Variants in SLC38A12 observed in about 807,000 individuals in gnomAD.
SLC38A12 encodes the protein solute carrier family 38 member 12, also known as putative sodium-coupled neutral amino acid transporter 12.
At chr17:74,818,249 G>A in the SLC38A12 span, among the ~76,000 whole-genome samples, 1 of 152,052 alleles carries the variant, frequency 6.6e-6, no homozygotes, top group East Asian at 1.9e-4. Context: ...CCCCTGCCCA[G>A]CCCCATCCCC....
chr17:74,829,041 ATACTT>A, the SLC38A12 span, among the ~76,000 whole-genome samples: 3 of 152,214 alleles, frequency 2.0e-5, no homozygotes, highest in African/African-American at 7.2e-5. This position sits in a 1 kb window ranked among gnomAD's most constrained non-coding sequence, Gnocchi z 4.1. Context: ...TTTTGATAAA[ATACTT>A]AACATATCAA....
chr17:74,781,349 A>G, the SLC38A12 span, among the ~76,000 whole-genome samples: 2 of 152,138 alleles, frequency 1.3e-5, no homozygotes, highest in South Asian at 2.1e-4. Context: ...CCAGTGAGCA[A>G]TTACAGCTCA....
the SLC38A12 span, among the ~76,000 whole-genome samples, chr17:74,783,497 CTGGGGAGGTGGCACAAGAGGGCT>C: frequency 2.0e-5 from 3 of 152,060 alleles, no homozygotes; most frequent in Admixed American, 1.3e-4. Context: ...GTTGGAGGGG[CTGGGGAGGTGGCACAAGAGGGCT>C]TTGGTCCTGT....
chr17:74,801,315 C>T, the SLC38A12 span, among the ~76,000 whole-genome samples: 2 of 152,238 alleles, frequency 1.3e-5, no homozygotes, highest in East Asian at 3.9e-4. Flanking sequence ...CTGGTGGCAC[C>T]GCAGGTGCAC....
the SLC38A12 span, among the ~76,000 whole-genome samples, chr17:74,778,061 T>C: frequency 7.3e-5 from 11 of 151,538 alleles, no homozygotes; most frequent in Non-Finnish European, 1.2e-4. Context: ...GAATTTTAAA[T>C]TGCACAACTT....
chr17:74,802,163 G>A, the SLC38A12 span, among the ~76,000 whole-genome samples: 1 of 152,138 alleles, frequency 6.6e-6, no homozygotes, highest in Non-Finnish European at 1.5e-5. Context: ...TTCTCCTCCT[G>A]CTCAGGGAGA....
chr17:74,779,776 C>T, the SLC38A12 span, among the ~76,000 whole-genome samples: 2 of 152,238 alleles, frequency 1.3e-5, no homozygotes, highest in African/African-American at 4.8e-5. Context: ...AAGACAAAGC[C>T]TCTCCTTAGC....
At chr17:74,823,917 G>A in the SLC38A12 span, among the ~76,000 whole-genome samples, 10 of 152,386 alleles carry the variant, frequency 6.6e-5, no homozygotes, top group South Asian at 1.0e-3. Flanking sequence ...CGGTGGCAGC[G>A]AGGCCTTGAA....
the SLC38A12 span, chr17:74,837,748 C>G: frequency 1.0e-6 from 1 of 985,898 alleles, no homozygotes; most frequent in African/African-American, 1.7e-5. Context: ...ACCTCCCACT[C>G]AGCCATGCAC....
At chr17:74,828,890 G>A in the SLC38A12 span, among the ~76,000 whole-genome samples, 1 of 151,994 alleles carries the variant, frequency 6.6e-6, no homozygotes, top group African/African-American at 2.4e-5. Context: ...AGCATCTCAG[G>A]TGCTTCCCAG....
the SLC38A12 span, among the ~76,000 whole-genome samples, chr17:74,816,677 G>GTT: frequency 7.3e-5 from 11 of 150,390 alleles, no homozygotes; most frequent in African/African-American, 2.7e-4. Flanking sequence ...TTCTTTTTTC[G>GTT]TTTTTTTTTG....
the SLC38A12 span, among the ~76,000 whole-genome samples, chr17:74,799,911 G>A: frequency 4.6e-5 from 7 of 152,238 alleles, no homozygotes; most frequent in Non-Finnish European, 7.3e-5. Context: ...AGTGCCATGC[G>A]TGCTGTGAGT....
At chr17:74,811,894 T>A in the SLC38A12 span, among the ~76,000 whole-genome samples, 2 of 151,566 alleles carry the variant, frequency 1.3e-5, no homozygotes, top group Non-Finnish European at 1.5e-5. Context: ...TAATAATAAT[T>A]AATTAGCAGA....
the SLC38A12 span, among the ~76,000 whole-genome samples, chr17:74,812,348 G>A: frequency 7.2e-5 from 11 of 152,138 alleles, no homozygotes; most frequent in South Asian, 2.1e-4. Context: ...ACTCACCTTC[G>A]TGTGGGTGAA....
At chr17:74,781,795 C>G in the SLC38A12 span, among the ~76,000 whole-genome samples, 12 of 152,332 alleles carry the variant, frequency 7.9e-5, no homozygotes, top group East Asian at 3.9e-4. Flanking sequence ...AACATCCAAC[C>G]CCCTGTGCCA....
the SLC38A12 span, chr17:74,838,782 A>G: frequency 1.3e-6 from 2 of 1,483,644 alleles, no homozygotes; most frequent in Non-Finnish European, 1.8e-6. Flanking sequence ...ACAGCAAGAG[A>G]GCCCCAGGTG....
the SLC38A12 span, among the ~76,000 whole-genome samples, chr17:74,827,365 G>A: frequency 2.7e-5 from 4 of 150,488 alleles, no homozygotes; most frequent in African/African-American, 7.3e-5. This position sits in a 1 kb window ranked among gnomAD's most constrained non-coding sequence, Gnocchi z 4.7. Context: ...GCACAATCTC[G>A]GCTCACTCCA....
chr17:74,777,539 G>A, the SLC38A12 span: 21 of 1,543,058 alleles, frequency 1.4e-5, no homozygotes, highest in Non-Finnish European at 1.6e-5. Flanking sequence ...TGCTGCTGTG[G>A]TGGCTCAGAA....
At chr17:74,838,013 C>G in the SLC38A12 span, 1 of 985,844 alleles carries the variant, frequency 1.0e-6, no homozygotes, top group Non-Finnish European at 1.2e-6. Context: ...TGTATCTCAG[C>G]GTCTTCAGAC....
Sources: gnomAD v4.1 joint callset for allele counts (sites outside exome capture counted in the v4.1 genomes callset) on GRCh38, gnomAD v4.1.1 for gene constraint, Gnocchi (gnomAD v3.1) non-coding constraint, MANE v1.5 for transcripts, NCBI Gene and HGNC (gene_info 2026-07-23, HGNC 2026-07-21) for gene names.